The following GLT1D1 variants were observed in gnomAD, a reference collection of about 807,000 sequenced individuals.
The protein encoded by GLT1D1 is glycosyltransferase 1 domain containing 1.
GLT1D1 carries 21 observed loss-of-function variants against 28.7 expected under a neutral mutation model. The ratio of observed to expected loss-of-function variants is 0.73; its 90% CI spans 0.52 to 1.05. The LOEUF is 1.05. GLT1D1 is among the 50% of genes least tolerant of loss of function. The probability of loss-of-function intolerance (pLI) is 0.00; values close to 1 mark genes in which losing one functional copy is unlikely to be tolerated. For missense variants in GLT1D1, 343 were observed against 330.6 expected (o/e 1.04, Z -0.29); for synonymous variants, 147 against 124.8 (o/e 1.18, Z -1.19).
At chr12:128,911,635 C>T (rs905245368) in intron 4 of GLT1D1, among the ~76,000 whole-genome samples, 3 of 152,144 alleles carry the variant, frequency 2.0e-5, no homozygotes, top group Admixed American at 2.0e-4. Flanking sequence ...CATGGACTTG[C>T]TCCATCACTC....
intron 1 of GLT1D1, among the ~76,000 whole-genome samples, chr12:128,857,592 G>A (rs1161252585): frequency 6.6e-6 from 1 of 152,128 alleles, no homozygotes; most frequent in East Asian, 1.9e-4. Context: ...GTGACTGAGA[G>A]TCCCTGTGAT....
intron 4 of GLT1D1, among the ~76,000 whole-genome samples, chr12:128,910,514 G>A (rs1280601117): frequency 6.6e-6 from 1 of 152,070 alleles, no homozygotes; most frequent in Non-Finnish European, 1.5e-5. Flanking sequence ...TCTTCAAGAT[G>A]TTGCCAGGCG....
At chr12:128,888,471 TAGTG>T (rs1868648429) in intron 2 of GLT1D1, among the ~76,000 whole-genome samples, 164 bp from the exon 3 acceptor site, 1 of 152,244 alleles carries the variant, frequency 6.6e-6, no homozygotes, top group Non-Finnish European at 1.5e-5. Flanking sequence ...GTGTTTATTG[TAGTG>T]ATACCTATTC....
At chr12:128,869,401 C>G (rs142548938) in intron 1 of GLT1D1, among the ~76,000 whole-genome samples, 38 of 152,232 alleles carry the variant, frequency 2.5e-4, no homozygotes, top group African/African-American at 9.1e-4. Flanking sequence ...AACTCCTGGG[C>G]TCAACCCATT....
chr12:128,942,485 C>T (rs1261569499), intron 4 of GLT1D1, among the ~76,000 whole-genome samples: 2 of 152,000 alleles, frequency 1.3e-5, no homozygotes, highest in Non-Finnish European at 2.9e-5. Context: ...ATAAGAACTG[C>T]TTACTGGCAC....
At chr12:128,962,027 C>A (rs76001920) in intron 7 of GLT1D1, among the ~76,000 whole-genome samples, 1 of 152,168 alleles carries the variant, frequency 6.6e-6, no homozygotes, top group African/African-American at 2.4e-5. Context: ...CCCTGTCCCC[C>A]TCCACCCTTC....
At chr12:128,961,115 A>T (rs540931522) in intron 7 of GLT1D1, among the ~76,000 whole-genome samples, 1 of 152,232 alleles carries the variant, frequency 6.6e-6, no homozygotes, top group African/African-American at 2.4e-5. Context: ...CATTTTGTGA[A>T]TCTTTTATAA....
chr12:128,933,807 C>G (rs996524764), intron 4 of GLT1D1, among the ~76,000 whole-genome samples: 3 of 152,174 alleles, frequency 2.0e-5, no homozygotes, highest in African/African-American at 7.2e-5. Flanking sequence ...TTTAATTACA[C>G]TTCTGAATAC....
At chr12:128,951,810 C>T (rs1447882883) in intron 6 of GLT1D1, among the ~76,000 whole-genome samples, 3 of 152,186 alleles carry the variant, frequency 2.0e-5, no homozygotes, top group African/African-American at 7.2e-5. Context: ...GTTGGTTTTC[C>T]GAGAGTTGAC....
Position 128,899,273 on chromosome 12 carries a change from G to A in GLT1D1, c.361G>A (p.Ala121Thr). 6.2e-7 allele frequency: 1 copy of A among 1,613,552 alleles called. No individual in the cohort carries two copies. The highest frequency in any genetic ancestry group is 1.7e-5 in the Admixed American group (1 of 60,004). The change falls in exon 4 of 8, where the codon GCA becomes ACA. Residue 121 changes from alanine to threonine, a missense_variant. Physicochemically the swap from Ala to Thr is moderately conservative, Grantham distance 58. Coordinates refer to ENST00000281703, the MANE Select transcript of GLT1D1 (RefSeq NM_144669.3). Reference sequence around the variant, plus strand: ...TTTCACAGAGTCAATGAAGGAAATGGCACAAGCGCAGTGGGTATGTGTTTA... The same window carrying A: ...TTTCACAGAGTCAATGAAGGAAATGACACAAGCGCAGTGGGTATGTGTTTA...
intron 1 of GLT1D1, among the ~76,000 whole-genome samples, chr12:128,854,607 C>T (rs556952693): frequency 6.6e-6 from 1 of 152,212 alleles, no homozygotes; most frequent in East Asian, 1.9e-4. Flanking sequence ...AAGCATTCTC[C>T]TGCCTCAGCC....
chr12:128,928,017 A>AAC (rs1555270107), intron 4 of GLT1D1, among the ~76,000 whole-genome samples: 3 of 142,084 alleles, frequency 2.1e-5, no homozygotes, highest in South Asian at 4.4e-4. Context: ...AAAAAAAAAA[A>AAC]AAAAAAAACA....
chr12:128,932,708 A>G (rs1205387982), intron 4 of GLT1D1, among the ~76,000 whole-genome samples: 2 of 152,114 alleles, frequency 1.3e-5, no homozygotes, highest in Non-Finnish European at 2.9e-5. Context: ...CCCACATCCA[A>G]TCGCGGTTTG....
At chr12:128,973,959 C>T (rs79324595) in intron 7 of GLT1D1, among the ~76,000 whole-genome samples, 9,902 of 122,634 alleles carry the variant, frequency 0.081, 915 homozygotes, top group African/African-American at 0.2. Context: ...GTGGGGGGGG[C>T]GCTTGGTGAT....
chr12:128,944,991 C>A (rs1329678707), intron 4 of GLT1D1: 1 of 581,524 alleles, frequency 1.7e-6, no homozygotes, highest in Non-Finnish European at 3.1e-6. Flanking sequence ...GTTCCCCTCC[C>A]TGTGTCCATG....
chr12:128,890,268 A>G (rs1053444687), intron 3 of GLT1D1, among the ~76,000 whole-genome samples: 3 of 152,046 alleles, frequency 2.0e-5, no homozygotes, highest in African/African-American at 4.8e-5. Flanking sequence ...TCATCAGAAC[A>G]CTCATTCTGT....
intron 7 of GLT1D1, among the ~76,000 whole-genome samples, chr12:128,981,364 A>C (rs1201764440): frequency 1.3e-5 from 2 of 152,210 alleles, no homozygotes; most frequent in African/African-American, 4.8e-5. Flanking sequence ...GGTTTCCACC[A>C]AAGTCTCCAC....
chr12:128,870,761 G>C (rs1337350830), intron 1 of GLT1D1, among the ~76,000 whole-genome samples: 1 of 152,198 alleles, frequency 6.6e-6, no homozygotes, highest in Non-Finnish European at 1.5e-5. Context: ...GGAGGCTGAG[G>C]CAGGCGGATC....
intron 4 of GLT1D1, among the ~76,000 whole-genome samples, chr12:128,940,906 A>AT (rs897023526): frequency 6.6e-6 from 1 of 151,960 alleles, no homozygotes; most frequent in African/African-American, 2.4e-5. Context: ...ATTCCTGAAT[A>AT]TTTTTTCTCT....
Sources: allele counts gnomAD v4.1 joint callset (sites outside exome capture counted in the v4.1 genomes callset), GRCh38; gene constraint gnomAD v4.1.1; transcripts MANE v1.5; gene names NCBI Gene and HGNC (gene_info 2026-07-23, HGNC 2026-07-21).